RNF115: variants seen among roughly 807,000 people sequenced by gnomAD.
RNF115 encodes the protein ring finger protein 115.
Under a neutral mutation model 39.2 loss-of-function variants are expected in RNF115, and 31 were observed. The ratio of observed to expected loss-of-function variants is 0.79; its 90% CI spans 0.59 to 1.07. RNF115 has a LOEUF of 1.07. RNF115 is among the 50% of genes least tolerant of loss of function. RNF115 has a pLI of 0.00. For synonymous variants in RNF115, 124 were observed against 131.0 expected, an observed-to-expected ratio of 0.95 and a Z score of 0.37; for missense variants, 384 against 381.7, an observed-to-expected ratio of 1.01 and a Z score of -0.05.
At chr1:145,822,190 C>A (rs202179657) in intron 1 of RNF115, among the ~76,000 whole-genome samples, 1 of 151,368 alleles carries the variant, frequency 6.6e-6, no homozygotes, top group Non-Finnish European at 1.5e-5. Context: ...AGCCAGGGTG[C>A]GGTGGTCGTG....
chr1:145,750,352 C>T (rs1553712291), intron 7 of RNF115, 55 bp downstream of exon 7: 13 of 1,363,682 alleles, frequency 9.5e-6, no homozygotes, highest in Middle Eastern at 1.8e-4. Flanking sequence ...CAGAAGATAC[C>T]GGGATTTTGA....
chr1:145,773,869 G>A (rs1050529507), intron 3 of RNF115: 3 of 151,646 alleles, frequency 2.0e-5, no homozygotes, highest in African/African-American at 4.9e-5. Flanking sequence ...GGACAAAACA[G>A]AACACAGAAT....
At chr1:145,791,512 C>CTAA (rs1648666132) in intron 1 of RNF115, among the ~76,000 whole-genome samples, 1 of 106,070 alleles carries the variant, frequency 9.4e-6, no homozygotes, top group African/African-American at 3.5e-5. Flanking sequence ...AACTCCACCT[C>CTAA]AAAAAAAAAA....
At chr1:145,781,900 CTTT>C (rs34615861) in intron 3 of RNF115, among the ~76,000 whole-genome samples, 4 of 135,520 alleles carry the variant, frequency 3.0e-5, no homozygotes, top group African/African-American at 5.5e-5. Context: ...TACACTTTTC[CTTT>C]TTTTTTTTTT....
intron 7 of RNF115, 127 bp from the exon 8 acceptor site, chr1:145,748,237 C>A: frequency 1.5e-6 from 1 of 648,800 alleles, no homozygotes; most frequent in Non-Finnish European, 2.8e-6. Context: ...AAAATGTACA[C>A]CCAAGTAGCA....
rs1337071163 is a variant in RNF115, at chr1:145,740,549, T to C, written c.*6317A>G. ...TAAGCCTACAAATTTTCATGCATAA[T>C]AGGTGGTTTTCTGGACACGCATCTT... On this transcript the variant is annotated 3_prime_UTR_variant, in exon 9 of 9. Coordinates refer to ENST00000582693, the MANE Select transcript of RNF115 (RefSeq NM_014455.4). The C allele has an allele frequency of 2.0e-5, 3 of 152,284 alleles. No individual in the cohort carries two copies. The highest frequency in any genetic ancestry group is 1.9e-4 in the East Asian group (1 of 5,228). 9.4% of individuals were successfully genotyped at this position (152,284 alleles called of 1,614,324 possible). A position where few individuals can be genotyped will look rare whatever the true frequency, so the allele number is the denominator to read the frequency against.
intron 1 of RNF115, among the ~76,000 whole-genome samples, chr1:145,801,961 T>C (rs1366270706): frequency 2.6e-5 from 4 of 152,146 alleles, no homozygotes; most frequent in African/African-American, 9.7e-5. Context: ...CTAATTTTTA[T>C]ATTTTTTGTA....
intron 1 of RNF115, among the ~76,000 whole-genome samples, chr1:145,806,874 C>T (rs587683530): frequency 2.6e-5 from 4 of 152,302 alleles, no homozygotes; most frequent in South Asian, 2.1e-4. Context: ...GGCAGGATCT[C>T]GGCTCACTGC....
intron 4 of RNF115, among the ~76,000 whole-genome samples, chr1:145,756,804 C>CTGTGTTCA (rs748111869): frequency 0.83 from 118,599 of 142,134 alleles, 49,650 homozygotes; most frequent in African/African-American, 0.9. Flanking sequence ...CTTCTGTCTT[C>CTGTGTTCA]TGTGTTCATG....
At position 145,745,643 on chromosome 1, in the gene RNF115, G is replaced by A. The variant is rs1657845008; in HGVS notation, c.*1223C>T. On this transcript the variant is annotated 3_prime_UTR_variant, in exon 9 of 9. Coordinates refer to ENST00000582693, the MANE Select transcript of RNF115 (RefSeq NM_014455.4). ...CAGCTAATTTTATATTTTTAGTAGA[G>A]ACAAGGTTTTACCTTGTTGGCCAGG... is the stretch of plus-strand genomic sequence containing the variant. 1 of 151,600 alleles carries A rather than the reference G, an allele frequency of 6.6e-6. No homozygotes were observed. The highest frequency in any genetic ancestry group is 2.1e-4 in the South Asian group (1 of 4,794). The allele number at this position is 151,600 out of a possible 1,614,324, so 9.4% of individuals were successfully genotyped here.
chr1:145,751,291 A>T (rs1228399709), intron 6 of RNF115, 147 bp downstream of exon 6: 3 of 591,266 alleles, frequency 5.1e-6, no homozygotes, highest in Non-Finnish European at 9.2e-6. Flanking sequence ...TAAATCATTC[A>T]TCCCTTTAGT....
chr1:145,788,790 ACTCTCG>A (rs782407311), intron 2 of RNF115, 112 bp downstream of exon 2: 1 of 775,526 alleles, frequency 1.3e-6, no homozygotes, highest in East Asian at 2.5e-5. Flanking sequence ...TCTCTCTCTC[ACTCTCG>A]CTCTCTCTGT....
intron 4 of RNF115, among the ~76,000 whole-genome samples, chr1:145,770,146 T>G: frequency 6.6e-6 from 1 of 152,360 alleles, no homozygotes; most frequent in South Asian, 2.1e-4. Context: ...TAAGGTCATT[T>G]TGATAGGACT....
At chr1:145,762,610 A>G (rs1226706612) in intron 4 of RNF115, among the ~76,000 whole-genome samples, 1 of 152,194 alleles carries the variant, frequency 6.6e-6, no homozygotes, top group African/African-American at 2.4e-5. Flanking sequence ...TTATACATCA[A>G]GGTGTAACTA....
chr1:145,794,623 C>A (rs587684624), intron 1 of RNF115, among the ~76,000 whole-genome samples: 32 of 149,616 alleles, frequency 2.1e-4, no homozygotes, highest in Admixed American at 4.7e-4. Flanking sequence ...GTCCCAGTCA[C>A]GGTTCTGTGT....
chr1:145,799,042 C>T (rs1436277214), intron 1 of RNF115, among the ~76,000 whole-genome samples: 1 of 150,160 alleles, frequency 6.7e-6, no homozygotes, highest in African/African-American at 2.4e-5. Flanking sequence ...TTAGTTATAA[C>T]AGGGTTTTTT....
intron 4 of RNF115, among the ~76,000 whole-genome samples, chr1:145,753,613 A>G (rs1009804688): frequency 6.6e-6 from 1 of 152,232 alleles, no homozygotes; most frequent in African/African-American, 2.4e-5. Context: ...AGTTCTTTAC[A>G]CGAATGAGTC....
rs1305936974 is a variant in RNF115, at chr1:145,823,697, C to T, written c.102+75G>A. On this transcript the variant is annotated intron_variant, in intron 1 of 8. Coordinates refer to ENST00000582693, the MANE Select transcript of RNF115 (RefSeq NM_014455.4). ...GGGCGAGTCAATGATGTGCAGAAAGCTCCAGACCCAGTTCCGGGAAATCGG... is the reference window on the plus strand; with the variant it reads ...GGGCGAGTCAATGATGTGCAGAAAGTTCCAGACCCAGTTCCGGGAAATCGG... 5 of 1,193,600 alleles carry T rather than the reference C, an allele frequency of 4.2e-6. No homozygotes were observed. The African/African-American group carries it at 4.7e-5, about 11-fold the overall frequency. The allele number at this position is 1,193,600 out of a possible 1,614,324, so 73.9% of individuals were successfully genotyped here.
chr1:145,740,431 T>A lies in RNF115; in HGVS notation c.*6435A>T. 6.6e-6 allele frequency: 1 copy of A among 152,408 alleles called. No individual in the cohort carries two copies. The highest frequency in any genetic ancestry group is 1.9e-4 in the East Asian group (1 of 5,200). The allele number at this position is 152,408 out of a possible 1,614,324, so 9.4% of individuals were successfully genotyped here. A position where few individuals can be genotyped will look rare whatever the true frequency, so the allele number is the denominator to read the frequency against. On this transcript the variant is annotated 3_prime_UTR_variant, in exon 9 of 9. Coordinates refer to ENST00000582693, the MANE Select transcript of RNF115 (RefSeq NM_014455.4). Reference sequence around the variant, plus strand: ...AACTGAGTCTTGCTTCTAAAGAGTTTATTTACTCTGCTTATCTCGAGACTT... The same window carrying A: ...AACTGAGTCTTGCTTCTAAAGAGTTAATTTACTCTGCTTATCTCGAGACTT...
Sources: allele counts gnomAD v4.1 joint callset (sites outside exome capture counted in the v4.1 genomes callset), GRCh38; gene constraint gnomAD v4.1.1; transcripts MANE v1.5; gene names NCBI Gene and HGNC (gene_info 2026-07-23, HGNC 2026-07-21).